KCTD15: variants seen among roughly 807,000 people sequenced by gnomAD.
KCTD15 encodes BTB/POZ domain-containing protein KCTD15.
KCTD15 carries 11 observed loss-of-function variants against 27.2 expected under a neutral mutation model. The observed-to-expected ratio is 0.41, with a 90% CI of 0.25 to 0.67. The LOEUF is 0.67. KCTD15 is among the 30% of genes least tolerant of loss of function. KCTD15 has a pLI of 0.35. For missense variants in KCTD15, 350 were observed against 409.3 expected (o/e 0.86, Z 1.25); for synonymous variants, 163 against 176.0 (o/e 0.93, Z 0.58).
At chr19:33,811,671 C>G in intron 6 of KCTD15, 119 bp downstream of exon 6, 1 of 1,515,860 alleles carries the variant, frequency 6.6e-7, no homozygotes, top group Non-Finnish European at 9.0e-7. Flanking sequence ...CCGTGCCATC[C>G]TACAAAAAAG....
In KCTD15 at chr19:33,811,302, G is replaced by T. The variant is rs1013372824; in HGVS notation, c.443G>T (p.Arg148Leu). The T allele has an allele frequency of 6.5e-7, 1 of 1,547,826 alleles. No homozygotes were observed. Among genetic ancestry groups the T allele is most frequent in the East Asian group, 2.4e-5 (1 of 40,832 alleles). The part of the protein sequence containing the change: ...ARYYQLQPMV[R>L]ELERWQQEQE... Reference sequence around the variant, plus strand: ...TACTATCAGCTCCAGCCCATGGTGCGCGAGCTGGAGCGCTGGCAGCAGGAG... The same window carrying T: ...TACTATCAGCTCCAGCCCATGGTGCTCGAGCTGGAGCGCTGGCAGCAGGAG... The change falls in exon 6 of 7, where the codon CGC becomes CTC. Residue 148 changes from arginine to leucine, a missense_variant. By Grantham distance (102) the Arg-to-Leu change is moderately radical. Coordinates refer to ENST00000683859, the MANE Select transcript of KCTD15 (RefSeq NM_001129994.2).
In KCTD15 at chr19:33,811,549, A is replaced by G. The variant is rs776915702; in HGVS notation, c.690A>G (p.Val230=). ...ATGGCTACTGCCGGCTCAACTCGGTACAGGTGAGGGCTGCACGCTGCCCCC... is the reference window on the plus strand; with the variant it reads ...ATGGCTACTGCCGGCTCAACTCGGTGCAGGTGAGGGCTGCACGCTGCCCCC... ...PLNGYCRLNS[V]QVLERLFQRG... is the part of the protein sequence containing the mutation. Residue 230 remains valine, a synonymous_variant, in exon 6 of 7, where the codon GTA becomes GTG. Coordinates refer to ENST00000683859, the MANE Select transcript of KCTD15 (RefSeq NM_001129994.2). The G allele has an allele frequency of 6.2e-7, 1 of 1,602,056 alleles. No individual in the cohort carries two copies. The highest frequency in any genetic ancestry group is 1.7e-4 in the Middle Eastern group (1 of 6,030).
chr19:33,797,427 C>T, intron 1 of KCTD15: 1 of 454,104 alleles, frequency 2.2e-6, no homozygotes, highest in South Asian at 1.6e-5. Flanking sequence ...CCCGGCTTGG[C>T]GCCCAAAATC....
chr19:33,795,682 G>C (rs1304578356), upstream of KCTD15, among the ~76,000 whole-genome samples: 1 of 152,136 alleles, frequency 6.6e-6, no homozygotes, highest in African/African-American at 2.4e-5. Flanking sequence ...AAGGAAACAG[G>C]AGGAAGAGGA....
intron 5 of KCTD15, among the ~76,000 whole-genome samples, 170 bp from the exon 6 acceptor site, chr19:33,811,077 C>T (rs537748200): frequency 6.6e-6 from 1 of 152,324 alleles, no homozygotes; most frequent in African/African-American, 2.4e-5. Flanking sequence ...TTGCAAACCA[C>T]TCAGTTGCCC....
intron 4 of KCTD15, among the ~76,000 whole-genome samples, chr19:33,802,611 G>A (rs908941928): frequency 2.0e-5 from 3 of 152,180 alleles, no homozygotes; most frequent in African/African-American, 7.2e-5. Context: ...CTGTGGCCTT[G>A]GGGCTTGTGG....
intron 3 of KCTD15, 125 bp from the exon 4 acceptor site, chr19:33,801,042 G>A: frequency 6.9e-6 from 6 of 870,626 alleles, no homozygotes; most frequent in Non-Finnish European, 1.0e-5. Flanking sequence ...GATCAGGCAC[G>A]GGCAGAAGTG....
At chr19:33,796,792 G>T (rs1975329448), upstream of KCTD15, 1 of 133,778 alleles carries the variant, frequency 7.5e-6, no homozygotes, top group South Asian at 2.7e-4. Context: ...GCCGCGCCGC[G>T]AGGGGCCGCG....
intron 1 of KCTD15, among the ~76,000 whole-genome samples, 162 bp downstream of exon 1, chr19:33,797,149 A>G (rs941660330): frequency 4.6e-5 from 7 of 151,822 alleles, no homozygotes; most frequent in Non-Finnish European, 7.4e-5. Context: ...GGTGCCCAGC[A>G]CAAAGGCCTG....
At chr19:33,811,707 A>G in intron 6 of KCTD15, 155 bp downstream of exon 6, 4 of 1,538,212 alleles carry the variant, frequency 2.6e-6, no homozygotes, top group Non-Finnish European at 3.5e-6. Context: ...TGCATAATTT[A>G]TGTCCCTCTC....
intron 5 of KCTD15, among the ~76,000 whole-genome samples, chr19:33,807,709 G>C (rs1975757814): frequency 6.6e-6 from 1 of 152,134 alleles, no homozygotes; most frequent in South Asian, 2.1e-4. Context: ...GACAGAGCAA[G>C]ACTCCGTCTC....
At chr19:33,796,709 C>A (rs1476928195), upstream of KCTD15, 1 of 141,058 alleles carries the variant, frequency 7.1e-6, no homozygotes, top group Non-Finnish European at 1.5e-5. Flanking sequence ...GAGGAGGAGG[C>A]GGCGGCGGCG....
At chr19:33,809,186 A>G (rs1022574143) in intron 5 of KCTD15, among the ~76,000 whole-genome samples, 1 of 152,010 alleles carries the variant, frequency 6.6e-6, no homozygotes, top group African/African-American at 2.4e-5. Context: ...CTGAGACAGG[A>G]GAATTGCTTG....
At chr19:33,811,961 A>C in intron 6 of KCTD15, 1 of 1,509,512 alleles carries the variant, frequency 6.6e-7, no homozygotes, top group Non-Finnish European at 8.8e-7. Context: ...TGGGAGTCGC[A>C]GGCACCCACC....
chr19:33,813,050 G>C lies in KCTD15; in HGVS notation c.*102G>C. Reference sequence around the variant, plus strand: ...GCCGTGGGCATGAGACCGAGGGTGAGGCTGGAGGGTCCAAAGCTGGCCCAG... The same window carrying C: ...GCCGTGGGCATGAGACCGAGGGTGACGCTGGAGGGTCCAAAGCTGGCCCAG... On this transcript the variant is annotated 3_prime_UTR_variant, in exon 7 of 7. Transcript: ENST00000683859. 7.9e-7 allele frequency: 1 copy of C among 1,259,338 alleles called. No homozygotes were observed. The highest frequency in any genetic ancestry group is 1.1e-6 in the Non-Finnish European group (1 of 898,954). 78.0% of individuals were successfully genotyped at this position (1,259,338 alleles called of 1,614,324 possible).
rs779901933 is a variant in KCTD15 at position 33,800,462 on chromosome 19, A to C, written c.8A>C (p.His3Pro). The C allele has an allele frequency of 6.2e-7, 1 of 1,605,022 alleles. No homozygotes were observed. The highest frequency in any genetic ancestry group is 2.2e-5 in the East Asian group (1 of 44,510). MP[H>P]RKERPSGSSL... Reference sequence around the variant, plus strand: ...GCAGGGATGGAAGCCTAGATGCCTCACCGCAAGGAGCGGCCGAGCGGGTCC... The same window carrying C: ...GCAGGGATGGAAGCCTAGATGCCTCCCCGCAAGGAGCGGCCGAGCGGGTCC... Residue 3 changes from histidine to proline, a missense_variant, in exon 3 of 7, where the codon CAC becomes CCC. Physicochemically the swap from His to Pro is moderately conservative, Grantham distance 77. Transcript: ENST00000683859.
At chr19:33,801,429 A>C (rs1599672512) in intron 4 of KCTD15, 87 bp downstream of exon 4, 1 of 1,181,902 alleles carries the variant, frequency 8.5e-7, no homozygotes. Flanking sequence ...GTCTCTCCCC[A>C]CTGTCACTCC....
At chr19:33,804,417 C>T (rs1019816036) in intron 4 of KCTD15, among the ~76,000 whole-genome samples, 2 of 152,184 alleles carry the variant, frequency 1.3e-5, no homozygotes, top group Admixed American at 6.5e-5. Flanking sequence ...CCAGACCTGA[C>T]GTCAGAAGGG....
chr19:33,805,876 C>T (rs531011530), intron 4 of KCTD15, among the ~76,000 whole-genome samples: 76 of 152,350 alleles, frequency 5.0e-4, no homozygotes, highest in East Asian at 2.3e-3. Context: ...GGCTCTGAGG[C>T]CTGGCTCCTT....
Sources: gnomAD v4.1 joint callset for allele counts (sites outside exome capture counted in the v4.1 genomes callset) on GRCh38, gnomAD v4.1.1 for gene constraint, MANE v1.5 for transcripts, NCBI Gene and HGNC (gene_info 2026-07-23, HGNC 2026-07-21) for gene names.